CEBPZOS: variants seen among roughly 807,000 people sequenced by gnomAD.
CEBPZOS encodes protein CEBPZOS.
Under a neutral mutation model 4.8 loss-of-function variants are expected in CEBPZOS, and 10 were observed. The ratio of observed to expected loss-of-function variants is 2.07; its 90% CI spans 1.28 to 3.52. CEBPZOS has a LOEUF of 3.52. Among genes scored for constraint, CEBPZOS ranks in the 30% most tolerant of loss-of-function variants. The pLI, the probability that CEBPZOS is intolerant of heterozygous loss-of-function variation, is 0.00. For synonymous variants in CEBPZOS, 25 were observed against 14.2 expected (o/e 1.77, Z -1.72); for missense variants, 98 against 43.6 (o/e 2.25, Z -3.51).
Position 37,199,694 on chromosome 2 carries a change from T to TTA in CEBPZOS, c.-1-9_-1-8dup, listed in dbSNP as rs1163835577. 1 of 715,690 alleles carries TTA rather than the reference T, an allele frequency of 1.4e-6. No individual in the cohort carries two copies. The highest frequency in any genetic ancestry group is 2.6e-6 in the Non-Finnish European group (1 of 384,336). The allele number at this position is 715,690 out of a possible 1,614,324, so 44.3% of individuals were successfully genotyped here. A position where few individuals can be genotyped will look rare whatever the true frequency, so the allele number is the denominator to read the frequency against. ...CATTCAGGTTTACACATATCTGTTGTTAAATTTAGGATGGCCCGTACTTTG... is the reference window on the plus strand; with the variant it reads ...CATTCAGGTTTACACATATCTGTTGTTATAAATTTAGGATGGCCCGTACTTTG... On this transcript the variant is annotated splice_polypyrimidine_tract_variant and intron_variant, in intron 1 of 4. Coordinates refer to ENST00000402297, the MANE Select transcript of CEBPZOS (RefSeq NM_001322374.2).
intron 4 of CEBPZOS, among the ~76,000 whole-genome samples, chr2:37,213,087 T>A (rs1677779215): frequency 6.6e-6 from 1 of 151,892 alleles, no homozygotes; most frequent in South Asian, 2.1e-4. Context: ...AACAAAAAAA[T>A]ATGTAACGTG....
At position 37,202,204 on chromosome 2, in the gene CEBPZOS, T is replaced by G; in HGVS notation, c.*344T>G. ...CAATCAATATGTAAAAACGGCCCACTTCCCTAAAAAAAAGTAATTTTTGTA... is the reference window on the plus strand; with the variant it reads ...CAATCAATATGTAAAAACGGCCCACGTCCCTAAAAAAAAGTAATTTTTGTA... On this transcript the variant is annotated 3_prime_UTR_variant, in exon 5 of 5. Transcript: ENST00000402297. 4.7e-6 allele frequency: 1 copy of G among 213,984 alleles called. No individual in the cohort carries two copies. Among genetic ancestry groups the G allele is most frequent in the Non-Finnish European group, 9.0e-6 (1 of 110,514 alleles). The allele number at this position is 213,984 out of a possible 1,614,324, so 13.3% of individuals were successfully genotyped here.
chr2:37,200,897 C>A (rs1050468572), intron 2 of CEBPZOS, 151 bp from the exon 3 acceptor site: 1 of 561,786 alleles, frequency 1.8e-6, no homozygotes, highest in Non-Finnish European at 3.2e-6. Context: ...AAAAGGAGAT[C>A]GTTCCTGGAT....
Position 37,201,688 on chromosome 2 carries a change from G to T in CEBPZOS, c.207G>T (p.Glu69Asp). ...TEKSGMYGIR[E>D]LDQKTWLNSK... ...AGTCTGGAATGTATGGAATCAGAGA[G>T]CTAGATCAAAAAACATGGTTGAACA... The change falls in exon 4 of 5, where the codon GAG (glutamate) becomes GAT (aspartate). Residue 69 changes from glutamate (E) to aspartate (D), a missense_variant. Physicochemically the swap from Glu to Asp is conservative, Grantham distance 45. Coordinates refer to ENST00000402297, the MANE Select transcript of CEBPZOS (RefSeq NM_001322374.2). The T allele has an allele frequency of 1.1e-6, 1 of 877,128 alleles. No individual in the cohort carries two copies. The highest frequency in any genetic ancestry group is 1.9e-6 in the Non-Finnish European group (1 of 530,758). 54.3% of individuals were successfully genotyped at this position (877,128 alleles called of 1,614,324 possible). A position where few individuals can be genotyped will look rare whatever the true frequency, so the allele number is the denominator to read the frequency against.
chr2:37,209,829 G>C (rs1275133096), intron 4 of CEBPZOS: 5 of 152,092 alleles, frequency 3.3e-5, no homozygotes, highest in Non-Finnish European at 5.9e-5. Flanking sequence ...TAAATAATCA[G>C]CAGAGTAAAT....
intron 4 of CEBPZOS, chr2:37,211,046 C>A: frequency 6.2e-7 from 1 of 1,612,228 alleles, no homozygotes; most frequent in Non-Finnish European, 8.5e-7. Flanking sequence ...TTTTCTCTTG[C>A]TTTTCTTAGT....
chr2:37,206,019 G>A (rs150921050), downstream of CEBPZOS, among the ~76,000 whole-genome samples: 55 of 152,346 alleles, frequency 3.6e-4, no homozygotes, highest in African/African-American at 1.2e-3. Context: ...AAAAATGAAT[G>A]AGCAGAGATT....
chr2:37,211,683 C>A, intron 4 of CEBPZOS: 1 of 568,000 alleles, frequency 1.8e-6, no homozygotes. Context: ...AAAAACCCTT[C>A]AGCTCCAAAC....
Position 37,203,577 on chromosome 2 carries a change from G to C in CEBPZOS, c.*1717G>C, listed in dbSNP as rs1677390260. 6.6e-6 allele frequency: 1 copy of C among 152,134 alleles called. No individual in the cohort carries two copies. Among genetic ancestry groups the C allele is most frequent in the African/African-American group, 2.4e-5 (1 of 41,406 alleles). The allele number at this position is 152,134 out of a possible 1,614,324, so 9.4% of individuals were successfully genotyped here. A position where few individuals can be genotyped will look rare whatever the true frequency, so the allele number is the denominator to read the frequency against. On this transcript the variant is annotated 3_prime_UTR_variant, in exon 5 of 5. Transcript: ENST00000402297. ...CAGTAGTAGAGCCATATTTTAAAAA[G>C]AGCTTTACTAAATACAGATCATAAC... is the stretch of plus-strand genomic sequence containing the variant.
At chr2:37,205,179 C>T (rs143784808), downstream of CEBPZOS, among the ~76,000 whole-genome samples, 71 of 152,266 alleles carry the variant, frequency 4.7e-4, no homozygotes, top group South Asian at 0.014. Context: ...ATTTTGTAGG[C>T]GTGAGGCTCT....
Position 37,201,094 on chromosome 2 carries a change from T to TA in CEBPZOS, c.160+3dup. 1.4e-6 allele frequency: 1 copy of TA among 715,124 alleles called. No homozygotes were observed. Among genetic ancestry groups the TA allele is most frequent in the Non-Finnish European group, 2.6e-6 (1 of 384,394 alleles). The allele number at this position is 715,124 out of a possible 1,614,324, so 44.3% of individuals were successfully genotyped here. A position where few individuals can be genotyped will look rare whatever the true frequency, so the allele number is the denominator to read the frequency against. ...AGAAATATCCCTTCATCTTGGAAGG[T>TA]ATGTTTTTCCTTAAGTAAAAATAAG... On this transcript the variant is annotated splice_region_variant and intron_variant, in intron 3 of 4. Coordinates refer to ENST00000402297, the MANE Select transcript of CEBPZOS (RefSeq NM_001322374.2).
At chr2:37,199,597 C>G (rs192099972) in intron 1 of CEBPZOS, 107 bp from the exon 2 acceptor site, 1 of 639,970 alleles carries the variant, frequency 1.6e-6, no homozygotes, top group African/African-American at 1.8e-5. Flanking sequence ...TACTCCCATA[C>G]AGAGAAGCCA....
At chr2:37,198,271 C>T (rs1316876010) in intron 1 of CEBPZOS, among the ~76,000 whole-genome samples, 1 of 152,178 alleles carries the variant, frequency 6.6e-6, no homozygotes, top group Non-Finnish European at 1.5e-5. Context: ...ACAACTGTCC[C>T]TTCCCACCAC....
At chr2:37,205,356 AACTGATG>A (rs1313189927), downstream of CEBPZOS, among the ~76,000 whole-genome samples, 1 of 152,180 alleles carries the variant, frequency 6.6e-6, no homozygotes, top group Non-Finnish European at 1.5e-5. Context: ...TTCCTGCCTT[AACTGATG>A]ACATTATCTT....
chr2:37,211,887 C>T (rs1422037982), intron 4 of CEBPZOS: 1 of 1,611,060 alleles, frequency 6.2e-7, no homozygotes, highest in East Asian at 2.2e-5. Context: ...CATGAATGTT[C>T]CTCCATCTTC....
At chr2:37,201,322 GGTGATAGAATCAAACCACA>G (rs1187101688) in intron 3 of CEBPZOS, 3 of 520,968 alleles carry the variant, frequency 5.8e-6, no homozygotes, top group Admixed American at 3.7e-5. Flanking sequence ...TCATATATGA[GGTGATAGAATCAAACCACA>G]GTTTAAACCT....
At position 37,201,746 on chromosome 2, in the gene CEBPZOS, A is replaced by G. The variant is rs751145576; in HGVS notation, c.*2+20A>G. On this transcript the variant is annotated intron_variant, in intron 4 of 4. Transcript: ENST00000402297. The stretch of plus-strand genomic sequence containing the variant: ...TTAGATGTAAGTAGAATTTTAATCT[A>G]TAATTTACATTAATAACTCATTTCC... 1.5e-5 allele frequency: 20 copies of G among 1,292,858 alleles called. No individual in the cohort carries two copies. The highest frequency in any genetic ancestry group is 2.1e-5 in the Non-Finnish European group (19 of 901,930). 80.1% of individuals were successfully genotyped at this position (1,292,858 alleles called of 1,614,324 possible).
chr2:37,208,737 C>G (rs956785167), downstream of CEBPZOS: 1 of 152,100 alleles, frequency 6.6e-6, no homozygotes, highest in Non-Finnish European at 1.5e-5. Flanking sequence ...TGGAACAAGA[C>G]AAGGATGCCC....
In CEBPZOS at chr2:37,200,502, A is replaced by C. The variant is rs560469974; in HGVS notation, c.116-546A>C. Among the ~76,000 whole-genome samples, 35 of 152,266 alleles carry C rather than the reference A, an allele frequency of 2.3e-4. No individual in the cohort carries two copies. In the South Asian group the frequency reaches 3.5e-3, roughly 15 times the overall value. ...GGAAGGGTATTAAAAAAACATCCCA[A>C]CAGTATTTAAAAACAAATTAAAGCT... On this transcript the variant is annotated intron_variant, in intron 2 of 4. Coordinates refer to ENST00000402297, the MANE Select transcript of CEBPZOS (RefSeq NM_001322374.2).
Sources: gnomAD v4.1 joint callset for allele counts (sites outside exome capture counted in the v4.1 genomes callset) on GRCh38, gnomAD v4.1.1 for gene constraint, MANE v1.5 for transcripts, NCBI Gene and HGNC (gene_info 2026-07-23, HGNC 2026-07-21) for gene names.